The following LPIN2 variants were observed in gnomAD, a reference collection of about 807,000 sequenced individuals.
The protein encoded by LPIN2 is phosphatidate phosphatase LPIN2.
A neutral mutation model predicts 111.4 loss-of-function variants in LPIN2; 55 were observed. That is an observed-to-expected ratio of 0.49 (90% CI 0.40 to 0.62). The LOEUF (loss-of-function observed/expected upper bound fraction) is 0.62. Ranked by LOEUF, LPIN2 falls within the 20% of genes least tolerant of loss-of-function variation. The probability of loss-of-function intolerance (pLI) is 0.00; values close to 1 mark genes in which losing one functional copy is unlikely to be tolerated. For synonymous variants in LPIN2, 425 were observed against 414.0 expected (o/e 1.03, Z -0.32); for missense variants, 992 against 1,112.1 (o/e 0.89, Z 1.54).
intron 7 of LPIN2, among the ~76,000 whole-genome samples, 160 bp downstream of exon 7, chr18:2,937,532 C>T (rs1288274341): frequency 1.9e-5 from 2 of 106,956 alleles, no homozygotes; most frequent in Non-Finnish European, 1.7e-5. Flanking sequence ...GTAACAAGAG[C>T]GAAACTCCAG....
At chr18:2,927,470 T>C (rs1052346990) in intron 12 of LPIN2, among the ~76,000 whole-genome samples, 1 of 152,144 alleles carries the variant, frequency 6.6e-6, no homozygotes, top group Non-Finnish European at 1.5e-5. Flanking sequence ...CTCTCACCAG[T>C]TATGTGACTT....
chr18:3,005,837 G>A (rs1014168790), intron 1 of LPIN2, among the ~76,000 whole-genome samples: 5 of 152,166 alleles, frequency 3.3e-5, no homozygotes, highest in Non-Finnish European at 7.4e-5. Flanking sequence ...ACCAACCTGG[G>A]CAACACAGCA....
At chr18:2,957,344 C>T (rs2077628447) in intron 2 of LPIN2, among the ~76,000 whole-genome samples, 1 of 152,126 alleles carries the variant, frequency 6.6e-6, no homozygotes, top group East Asian at 1.9e-4. Flanking sequence ...ACATGACACT[C>T]AAAGATAATG....
intron 16 of LPIN2, 91 bp downstream of exon 16, chr18:2,923,684 C>T: frequency 9.4e-7 from 1 of 1,061,088 alleles, no homozygotes; most frequent in South Asian, 1.3e-5. Flanking sequence ...ACACATGACT[C>T]ATGTGGACTG....
chr18:3,012,615 C>T (rs527686499), intron 1 of LPIN2, among the ~76,000 whole-genome samples: 6 of 152,332 alleles, frequency 3.9e-5, no homozygotes, highest in Admixed American at 2.0e-4. Context: ...CGCCTCGCCG[C>T]AGATCACGTG....
chr18:2,921,190 G>C, intron 18 of LPIN2: 1 of 548,702 alleles, frequency 1.8e-6, no homozygotes, highest in Non-Finnish European at 3.3e-6. Context: ...AGGTTGGGAA[G>C]TGCTAGCGAA....
intron 1 of LPIN2, among the ~76,000 whole-genome samples, chr18:2,975,272 G>C (rs941321755): frequency 6.6e-5 from 10 of 152,174 alleles, no homozygotes; most frequent in African/African-American, 2.4e-4. Context: ...GTGTGGGTAG[G>C]AATTTCATAA....
At chr18:2,949,722 G>A (rs651257) in intron 4 of LPIN2, among the ~76,000 whole-genome samples, 140,061 of 152,296 alleles carry the variant, frequency 0.92, 65,027 homozygotes, top group East Asian at 1. Context: ...TCAAAATTTT[G>A]GAAAATGAAT....
intron 1 of LPIN2, among the ~76,000 whole-genome samples, chr18:2,987,457 C>A (rs921050571): frequency 6.6e-6 from 1 of 152,144 alleles, no homozygotes; most frequent in Non-Finnish European, 1.5e-5. Flanking sequence ...AAAATTATCA[C>A]AAAATGTATC....
intron 1 of LPIN2, among the ~76,000 whole-genome samples, chr18:2,995,759 G>C (rs980752403): frequency 1.3e-5 from 2 of 152,158 alleles, no homozygotes; most frequent in African/African-American, 4.8e-5. Context: ...ACCTTGAAGG[G>C]TAAAGATTTT....
chr18:3,001,399 A>G lies in LPIN2; in HGVS notation c.-10+11688T>C, dbSNP rs141435682. Reference sequence around the variant, plus strand: ...CCAATAAAATAATTGTTGACTCCAGAGAAAAGAAAAATTTGAACTGGCAAA... The same window carrying G: ...CCAATAAAATAATTGTTGACTCCAGGGAAAAGAAAAATTTGAACTGGCAAA... On this transcript the variant is annotated intron_variant, in intron 1 of 19. Transcript: ENST00000677752. Among the ~76,000 whole-genome samples, 318 of 119,190 alleles carry G rather than the reference A, an allele frequency of 2.7e-3. 5 individuals are homozygous for G. Among genetic ancestry groups the G allele is most frequent in the African/African-American group, 8.6e-3 (296 of 34,434 alleles). The allele number at this position is 119,190 out of a possible 152,430, so 78.2% of individuals were successfully genotyped here.
intron 11 of LPIN2, among the ~76,000 whole-genome samples, chr18:2,928,261 C>A (rs528960051): frequency 2.0e-5 from 3 of 152,308 alleles, no homozygotes; most frequent in African/African-American, 7.2e-5. Flanking sequence ...CTTGCTGCTT[C>A]TTCCCATATT....
chr18:3,001,995 G>C (rs778348312), intron 1 of LPIN2, among the ~76,000 whole-genome samples: 25 of 151,916 alleles, frequency 1.6e-4, no homozygotes, highest in Non-Finnish European at 2.8e-4. Flanking sequence ...CAGCACCTAT[G>C]GTCCATCTGA....
rs1480702549 is a variant in LPIN2, at chr18:2,920,252, G to A, written c.*41C>T. 1 of 1,613,296 alleles carries A rather than the reference G, an allele frequency of 6.2e-7. No individual in the cohort carries two copies. Among genetic ancestry groups the A allele is most frequent in the South Asian group, 1.1e-5 (1 of 91,056 alleles). On this transcript the variant is annotated 3_prime_UTR_variant, in exon 20 of 20. Coordinates refer to ENST00000677752, the MANE Select transcript of LPIN2 (RefSeq NM_001375808.2). Reference sequence around the variant, plus strand: ...GAGCCAGCTGCCTTCCCTTGCTGTGGGGAGGGGGACCAAGCCCTGCCCACC... The same window carrying A: ...GAGCCAGCTGCCTTCCCTTGCTGTGAGGAGGGGGACCAAGCCCTGCCCACC...
At chr18:2,990,791 T>C in intron 1 of LPIN2, 2 of 382,496 alleles carry the variant, frequency 5.2e-6, no homozygotes, top group Non-Finnish European at 1.0e-5. Flanking sequence ...ACTGACAAAA[T>C]AAGGGTTGCA....
At chr18:2,930,550 T>A (rs1171690885) in intron 9 of LPIN2, among the ~76,000 whole-genome samples, 2 of 152,168 alleles carry the variant, frequency 1.3e-5, no homozygotes, top group African/African-American at 4.8e-5. Flanking sequence ...AGACAAAAGA[T>A]GACACTAGTC....
chr18:2,976,312 G>C (rs1030598199), intron 1 of LPIN2, among the ~76,000 whole-genome samples: 1 of 152,168 alleles, frequency 6.6e-6, no homozygotes, highest in Non-Finnish European at 1.5e-5. Flanking sequence ...GACTACCATT[G>C]CAACTCCTGT....
In LPIN2 at chr18:2,923,874, T is replaced by C. The variant is rs377211849; in HGVS notation, c.2088-13A>G. The C allele has an allele frequency of 1.1e-5, 18 of 1,610,050 alleles. No individual in the cohort carries two copies. Among genetic ancestry groups the C allele is most frequent in the African/African-American group, 5.3e-5 (4 of 74,818 alleles). On this transcript the variant is annotated splice_polypyrimidine_tract_variant and intron_variant, in intron 15 of 19. Coordinates refer to ENST00000677752, the MANE Select transcript of LPIN2 (RefSeq NM_001375808.2). ...CAAAGCATCCGACCTAAGAAGACGG[T>C]AGAAACAGGAAAAGCTATCAGGAAT...
At chr18:2,935,249 A>C (rs112162958) in intron 7 of LPIN2, among the ~76,000 whole-genome samples, 1 of 152,328 alleles carries the variant, frequency 6.6e-6, no homozygotes, top group Non-Finnish European at 1.5e-5. Context: ...ATATATCACT[A>C]AACTTAATTT....
Sources: allele counts gnomAD v4.1 joint callset (sites outside exome capture counted in the v4.1 genomes callset), GRCh38; gene constraint gnomAD v4.1.1; transcripts MANE v1.5; gene names NCBI Gene and HGNC (gene_info 2026-07-23, HGNC 2026-07-21).